RALGPS2: variants seen among roughly 807,000 people sequenced by gnomAD.
RALGPS2 encodes ras-specific guanine nucleotide-releasing factor RalGPS2.
In RALGPS2, 43 loss-of-function variants were observed where a neutral mutation model predicts 86.8. The ratio of observed to expected loss-of-function variants is 0.50; its 90% CI spans 0.39 to 0.64. RALGPS2 has a LOEUF of 0.64. RALGPS2 is among the 30% of genes least tolerant of loss of function. The pLI is 0.00. For synonymous variants in RALGPS2, 243 were observed against 231.3 expected (o/e 1.05, Z -0.46); for missense variants, 536 against 694.6 (o/e 0.77, Z 2.57).
intron 6 of RALGPS2, among the ~76,000 whole-genome samples, chr1:178,819,129 C>T (rs140957156): frequency 1.6e-3 from 240 of 151,994 alleles, no homozygotes; most frequent in African/African-American, 5.4e-3. Flanking sequence ...GCTGGGACTA[C>T]AGGCACATGC....
At chr1:178,752,599 C>T in intron 1 of RALGPS2, among the ~76,000 whole-genome samples, 1 of 152,100 alleles carries the variant, frequency 6.6e-6, no homozygotes, top group East Asian at 1.9e-4. Flanking sequence ...TTCGTGATGG[C>T]TTAAATTCAT....
At chr1:178,818,648 T>A (rs1655349791) in intron 6 of RALGPS2, among the ~76,000 whole-genome samples, 1 of 152,074 alleles carries the variant, frequency 6.6e-6, no homozygotes, top group African/African-American at 2.4e-5. Flanking sequence ...CAACTCTAGG[T>A]TTGAGACTCC....
chr1:178,862,851 A>T (rs1008247788), intron 8 of RALGPS2, among the ~76,000 whole-genome samples: 1 of 152,182 alleles, frequency 6.6e-6, no homozygotes, highest in Non-Finnish European at 1.5e-5. Context: ...TTGCAGAAGC[A>T]GATATGTGAG....
intron 13 of RALGPS2, 124 bp downstream of exon 13, chr1:178,886,244 T>A: frequency 1.1e-6 from 1 of 897,842 alleles, no homozygotes; most frequent in Non-Finnish European, 1.7e-6. Flanking sequence ...AAGTAGCAGT[T>A]AAATATGGGA....
intron 19 of RALGPS2, among the ~76,000 whole-genome samples, chr1:178,911,549 A>G (rs928076791): frequency 1.3e-5 from 2 of 152,274 alleles, no homozygotes; most frequent in Admixed American, 1.3e-4. Flanking sequence ...ATTGATTTCT[A>G]GTTTTATTGT....
chr1:178,842,889 AAC>A (rs1656660686), intron 8 of RALGPS2, among the ~76,000 whole-genome samples: 1 of 146,916 alleles, frequency 6.8e-6, no homozygotes, highest in Admixed American at 6.7e-5. Context: ...GCAGCCAAAA[AAC>A]ACATGAAAAA....
chr1:178,733,008 G>C (rs529838430), intron 1 of RALGPS2, among the ~76,000 whole-genome samples: 1 of 152,026 alleles, frequency 6.6e-6, no homozygotes, highest in Non-Finnish European at 1.5e-5. Flanking sequence ...TCAAAGTTTC[G>C]CTGACTTCAT....
intron 1 of RALGPS2, among the ~76,000 whole-genome samples, chr1:178,765,313 A>G (rs531714844): frequency 1.3e-5 from 2 of 152,248 alleles, no homozygotes; most frequent in East Asian, 3.9e-4. Flanking sequence ...GAAAGAGTAC[A>G]GAAGAGAGAA....
chr1:178,905,727 A>G (rs1380473234), intron 18 of RALGPS2, among the ~76,000 whole-genome samples: 1 of 152,236 alleles, frequency 6.6e-6, no homozygotes, highest in Admixed American at 6.5e-5. Context: ...CCTATAGTAC[A>G]TGGATCCTTT....
chr1:178,892,280 G>A lies in RALGPS2; in HGVS notation c.1298G>A (p.Gly433Asp). 1.9e-6 allele frequency: 3 copies of A among 1,612,630 alleles called. No individual in the cohort carries two copies. Among genetic ancestry groups the A allele is most frequent in the South Asian group, 2.2e-5 (2 of 91,062 alleles). Residue 433 changes from glycine to aspartate, a missense_variant, in exon 15 of 20, where the codon GGC becomes GAC. Gly to Asp is a moderately conservative substitution (Grantham distance 94, BLOSUM62 -1). Around this residue, in one of 3 missense-constraint regions of RALGPS2, gnomAD observed 309 missense variants for 363.0 expected, o/e 0.85. Coordinates refer to ENST00000367635, the MANE Select transcript of RALGPS2 (RefSeq NM_152663.5). The part of the protein sequence containing the change: ...LGPVTRVARN[G>D]YRSHMKASSS... ...CCGGTGACAAGAGTGGCACGAAATG[G>A]CTATCGAAGTCACATGAAGGCCAGC...
At chr1:178,818,990 C>CTTTT (rs58110181) in intron 6 of RALGPS2, among the ~76,000 whole-genome samples, 1 of 135,608 alleles carries the variant, frequency 7.4e-6, no homozygotes, top group African/African-American at 2.7e-5. Flanking sequence ...TTTTCTTTTT[C>CTTTT]TTTTTTTTTT....
At chr1:178,871,206 G>C (rs1238153599) in intron 8 of RALGPS2, among the ~76,000 whole-genome samples, 1 of 152,062 alleles carries the variant, frequency 6.6e-6, no homozygotes, top group African/African-American at 2.4e-5. Flanking sequence ...TTAAATAGGG[G>C]GGTGGGATCA....
At chr1:178,810,142 G>A (rs980785251) in intron 5 of RALGPS2, among the ~76,000 whole-genome samples, 3 of 151,856 alleles carry the variant, frequency 2.0e-5, no homozygotes, top group Admixed American at 1.3e-4. Flanking sequence ...CCAGCACTTT[G>A]GGAGGCAGAG....
intron 8 of RALGPS2, chr1:178,865,409 C>G: frequency 6.2e-7 from 1 of 1,613,986 alleles, no homozygotes; most frequent in Non-Finnish European, 8.5e-7. Flanking sequence ...CATGTTACGG[C>G]TTTCCTTTCT....
intron 1 of RALGPS2, among the ~76,000 whole-genome samples, chr1:178,745,909 C>A (rs1015180811): frequency 3.4e-5 from 5 of 148,690 alleles, no homozygotes; most frequent in African/African-American, 1.2e-4. Context: ...GCAACTTTCA[C>A]CTCCCAGGTT....
chr1:178,814,339 C>T (rs1445045276), intron 6 of RALGPS2, among the ~76,000 whole-genome samples: 1 of 152,196 alleles, frequency 6.6e-6, no homozygotes, highest in Non-Finnish European at 1.5e-5. Flanking sequence ...GCCCTGCTGC[C>T]ATAAGCATTC....
intron 1 of RALGPS2, among the ~76,000 whole-genome samples, chr1:178,732,751 CATAAA>C (rs1038591571): frequency 6.8e-6 from 1 of 146,708 alleles, no homozygotes; most frequent in African/African-American, 2.5e-5. Context: ...TTTTTTTAAA[CATAAA>C]ATGTTGAATT....
At chr1:178,877,888 G>A (rs1659066269) in intron 9 of RALGPS2, among the ~76,000 whole-genome samples, 1 of 151,826 alleles carries the variant, frequency 6.6e-6, no homozygotes, top group Admixed American at 6.6e-5. Flanking sequence ...CTGCTATTTT[G>A]CAGCAACTTT....
Position 178,770,018 on chromosome 1 carries a change from C to CTT in RALGPS2, c.-83-6649_-83-6648dup, listed in dbSNP as rs35638965. ...TTAAAGCTTACAGAGTCGATTGCTT[C>CTT]TTTTTTTTTTTTTTTTGAGACAAGG... On this transcript the variant is annotated intron_variant, in intron 1 of 19. Coordinates refer to ENST00000367635, the MANE Select transcript of RALGPS2 (RefSeq NM_152663.5). Among the ~76,000 whole-genome samples, 214 of 134,152 alleles carry CTT rather than the reference C, an allele frequency of 1.6e-3. 1 individual carries two copies. Among genetic ancestry groups the CTT allele is most frequent in the African/African-American group, 4.2e-3 (152 of 36,014 alleles). The allele number at this position is 134,152 out of a possible 152,430, so 88.0% of individuals were successfully genotyped here.
Sources: gnomAD v4.1 joint callset for allele counts (sites outside exome capture counted in the v4.1 genomes callset) on GRCh38, gnomAD v4.1.1 for gene constraint, gnomAD v4.1.1 regional missense constraint, MANE v1.5 for transcripts, NCBI Gene and HGNC (gene_info 2026-07-23, HGNC 2026-07-21) for gene names.